Variants in VWA3B observed in about 807,000 individuals in gnomAD.
The protein encoded by VWA3B is von Willebrand factor A domain-containing protein 3B.
In VWA3B, 138 loss-of-function variants were observed where a neutral mutation model predicts 158.3. The observed-to-expected ratio is 0.87, with a 90% CI of 0.76 to 1.00. The LOEUF (loss-of-function observed/expected upper bound fraction) is 1.00. Ranked by LOEUF, VWA3B falls within the 50% of genes least tolerant of loss-of-function variation. The pLI, the probability that VWA3B is intolerant of heterozygous loss-of-function variation, is 0.00. For missense variants in VWA3B, 1,555 were observed against 1,565.1 expected, an observed-to-expected ratio of 0.99 and a Z score of 0.11; for synonymous variants, 596 against 587.3, an observed-to-expected ratio of 1.01 and a Z score of -0.21.
At chr2:98,129,136 C>G (rs1189071998) in intron 6 of VWA3B, among the ~76,000 whole-genome samples, 2 of 152,160 alleles carry the variant, frequency 1.3e-5, no homozygotes, top group Non-Finnish European at 2.9e-5. Flanking sequence ...AGGTCTCTCT[C>G]CCCGCCTTGT....
chr2:98,203,962 C>T (rs1348323748), intron 12 of VWA3B, among the ~76,000 whole-genome samples: 1 of 152,138 alleles, frequency 6.6e-6, no homozygotes, highest in Non-Finnish European at 1.5e-5. Context: ...AAAGATATAA[C>T]AACTACTTAT....
intron 2 of VWA3B, among the ~76,000 whole-genome samples, chr2:98,102,684 T>C (rs1174754981): frequency 1.3e-5 from 2 of 152,244 alleles, no homozygotes; most frequent in Non-Finnish European, 2.9e-5. Flanking sequence ...TCCGTAACTT[T>C]CTTTTCTTGT....
chr2:98,108,133 C>T (rs950570642), intron 2 of VWA3B, among the ~76,000 whole-genome samples: 4 of 151,920 alleles, frequency 2.6e-5, no homozygotes, highest in South Asian at 2.1e-4. Flanking sequence ...CTTTTAGATG[C>T]GTATTGTTTA....
intron 7 of VWA3B, among the ~76,000 whole-genome samples, chr2:98,160,580 A>T (rs1678493227): frequency 6.6e-6 from 1 of 152,004 alleles, no homozygotes; most frequent in South Asian, 2.1e-4. Flanking sequence ...CCTGTGGTGT[A>T]CTCCCTCTTA....
intron 2 of VWA3B, among the ~76,000 whole-genome samples, chr2:98,107,284 T>C (rs979687733): frequency 2.6e-5 from 4 of 152,178 alleles, no homozygotes; most frequent in Non-Finnish European, 5.9e-5. Context: ...AGAATATTGG[T>C]CTGCAGTTTT....
intron 1 of VWA3B, among the ~76,000 whole-genome samples, chr2:98,091,010 G>A (rs1174875070): frequency 6.6e-6 from 1 of 152,014 alleles, no homozygotes; most frequent in Admixed American, 6.6e-5. Context: ...TCTTCTCAAC[G>A]TGCTGGGATT....
At position 98,093,045 on chromosome 2, in the gene VWA3B, A is replaced by C; in HGVS notation, c.-32-16A>C. ...CCAAGTTTTTAGGAAGTCTGAGTTT[A>C]TGATTGCCCTTACAGGAGTTTGCTG... is the stretch of plus-strand genomic sequence containing the variant. On this transcript the variant is annotated splice_polypyrimidine_tract_variant and intron_variant, in intron 1 of 27. Coordinates refer to ENST00000477737, the MANE Select transcript of VWA3B (RefSeq NM_144992.5). The C allele has an allele frequency of 2.5e-6, 4 of 1,575,118 alleles. No homozygotes were observed. Among genetic ancestry groups the C allele is most frequent in the Non-Finnish European group, 3.5e-6 (4 of 1,154,918 alleles).
At chr2:98,143,665 C>T (rs929407232) in intron 7 of VWA3B, among the ~76,000 whole-genome samples, 1 of 151,728 alleles carries the variant, frequency 6.6e-6, no homozygotes, top group Non-Finnish European at 1.5e-5. Context: ...GGAGTCAGAC[C>T]TGTATGAATT....
At chr2:98,184,831 C>T (rs1411994652) in intron 9 of VWA3B, among the ~76,000 whole-genome samples, 1 of 152,196 alleles carries the variant, frequency 6.6e-6, no homozygotes, top group Non-Finnish European at 1.5e-5. Context: ...TGGTTCTTGA[C>T]CTTCTCTCTC....
At chr2:98,273,862 C>T (rs556647267) in intron 22 of VWA3B, among the ~76,000 whole-genome samples, 354 of 152,160 alleles carry the variant, frequency 2.3e-3, no homozygotes, top group African/African-American at 7.4e-3. Flanking sequence ...GGAAGTGTTG[C>T]GAATGGAGTG....
intron 12 of VWA3B, among the ~76,000 whole-genome samples, chr2:98,196,534 G>A (rs1046860601): frequency 6.6e-6 from 1 of 152,140 alleles, no homozygotes. Context: ...TGCAGCAGTA[G>A]GTCCCCAAAC....
Position 98,115,753 on chromosome 2 carries a change from C to T in VWA3B, c.291+7C>T, listed in dbSNP as rs1217369587. On this transcript the variant is annotated splice_region_variant and intron_variant, in intron 3 of 27. Coordinates refer to ENST00000477737, the MANE Select transcript of VWA3B (RefSeq NM_144992.5). ...AGATGGCAGAGTATACAATGTAAGT[C>T]AGAGTTCCCTCAATGCGCAGTCCTG... 1 of 1,609,602 alleles carries T rather than the reference C, an allele frequency of 6.2e-7. No homozygotes were observed.
At chr2:98,234,890 A>T in intron 17 of VWA3B, 123 bp downstream of exon 17, 1 of 1,379,942 alleles carries the variant, frequency 7.2e-7, no homozygotes, top group Non-Finnish European at 9.7e-7. Context: ...ATTGCTTCCT[A>T]TTCAAAGGAA....
In VWA3B at chr2:98,248,449, C is replaced by T. The variant is rs941180606; in HGVS notation, c.2674-1869C>T. On this transcript the variant is annotated intron_variant, in intron 19 of 27. Coordinates refer to ENST00000477737, the MANE Select transcript of VWA3B (RefSeq NM_144992.5). Reference sequence around the variant, plus strand: ...TCCCCTTGATCCATCCCCCAACCCTCATGGGCTTTTATAGCTCTTGTTCCA... The same window carrying T: ...TCCCCTTGATCCATCCCCCAACCCTTATGGGCTTTTATAGCTCTTGTTCCA... Among the ~76,000 whole-genome samples, 11 of 152,278 alleles carry T rather than the reference C, an allele frequency of 7.2e-5. No individual in the cohort carries two copies. The South Asian group carries it at 1.5e-3, about 20-fold the overall frequency.
intron 20 of VWA3B, among the ~76,000 whole-genome samples, chr2:98,252,645 C>A (rs2105809341): frequency 6.6e-6 from 1 of 152,192 alleles, no homozygotes; most frequent in East Asian, 1.9e-4. Flanking sequence ...TCATTACTTC[C>A]CCCTTTCACT....
At chr2:98,174,729 A>C (rs902348109) in intron 8 of VWA3B, among the ~76,000 whole-genome samples, 1 of 152,164 alleles carries the variant, frequency 6.6e-6, no homozygotes, top group Non-Finnish European at 1.5e-5. Context: ...CAGGCTATGC[A>C]TATGTTCAAA....
chr2:98,256,271 A>C, intron 21 of VWA3B, 97 bp downstream of exon 21: 8 of 1,335,928 alleles, frequency 6.0e-6, no homozygotes, highest in Non-Finnish European at 7.1e-6. Flanking sequence ...AGGTATTTAA[A>C]ATATTCAAAA....
At chr2:98,173,838 C>T (rs555142623) in intron 8 of VWA3B, among the ~76,000 whole-genome samples, 55 of 151,568 alleles carry the variant, frequency 3.6e-4, no homozygotes, top group Non-Finnish European at 5.2e-4. Flanking sequence ...TAGTGGCGGG[C>T]GCCTGTAGTC....
chr2:98,317,898 A>G (rs1691123029), downstream of VWA3B, among the ~76,000 whole-genome samples: 1 of 152,240 alleles, frequency 6.6e-6, no homozygotes, highest in African/African-American at 2.4e-5. Context: ...AACAAAGTTC[A>G]TATGGAAAAA....
Sources: gnomAD v4.1 joint callset for allele counts (sites outside exome capture counted in the v4.1 genomes callset) on GRCh38, gnomAD v4.1.1 for gene constraint, MANE v1.5 for transcripts, NCBI Gene and HGNC (gene_info 2026-07-23, HGNC 2026-07-21) for gene names.